The following CFAP299 variants were observed in gnomAD, a reference collection of about 807,000 sequenced individuals.
CFAP299 encodes the protein cilia- and flagella-associated protein 299.
A neutral mutation model predicts 27.0 loss-of-function variants in CFAP299; 21 were observed. The ratio of observed to expected loss-of-function variants is 0.78; its 90% CI spans 0.55 to 1.12. The LOEUF is 1.12. Ranked by LOEUF, CFAP299 falls within the 50% of genes most tolerant of loss-of-function variation. The pLI, the probability that CFAP299 is intolerant of heterozygous loss-of-function variation, is 0.00. For synonymous variants in CFAP299, 104 were observed against 98.1 expected (o/e 1.06, Z -0.36); for missense variants, 310 against 276.6 (o/e 1.12, Z -0.86).
rs992814514 is a variant in CFAP299, at chr4:80,898,445, A to G, written c.476+28310A>G. Among the ~76,000 whole-genome samples, 3 of 151,850 alleles carry G rather than the reference A, an allele frequency of 2.0e-5. No individual in the cohort carries two copies. The East Asian group carries it at 5.8e-4, about 30-fold the overall frequency. The stretch of plus-strand genomic sequence containing the variant: ...TGCTTCTCCTTCCTCTGCCAGCTGA[A>G]CCTGGGGTTTTTATGGGCACTGGAT... On this transcript the variant is annotated intron_variant, in intron 4 of 5. Transcript: ENST00000358105.
intron 3 of CFAP299, among the ~76,000 whole-genome samples, chr4:80,678,548 A>G (rs1168434947): frequency 6.6e-6 from 1 of 152,054 alleles, no homozygotes; most frequent in Non-Finnish European, 1.5e-5. Context: ...CTGAGTCACA[A>G]AGAAGTTAAA....
chr4:80,489,150 G>T (rs1730985456), intron 2 of CFAP299, among the ~76,000 whole-genome samples: 1 of 152,078 alleles, frequency 6.6e-6, no homozygotes, highest in South Asian at 2.1e-4. Flanking sequence ...TCCTGGAGAT[G>T]GGTCTAGCAA....
intron 3 of CFAP299, among the ~76,000 whole-genome samples, chr4:80,737,527 C>T (rs1171625954): frequency 6.6e-6 from 1 of 151,938 alleles, no homozygotes; most frequent in Non-Finnish European, 1.5e-5. Flanking sequence ...GTTTATGTGT[C>T]TAGGAACTTA....
intron 3 of CFAP299, among the ~76,000 whole-genome samples, chr4:80,658,642 C>T (rs1740682871): frequency 6.6e-6 from 1 of 152,082 alleles, no homozygotes; most frequent in South Asian, 2.1e-4. Context: ...AGAACTTGTC[C>T]TTTCTCATCA....
chr4:80,544,434 G>C (rs1211292224), intron 2 of CFAP299, among the ~76,000 whole-genome samples: 1 of 152,134 alleles, frequency 6.6e-6, no homozygotes, highest in Non-Finnish European at 1.5e-5. Context: ...AAGTTGGATA[G>C]AGAAACAATA....
At chr4:80,339,331 C>G (rs1288424231) in intron 1 of CFAP299, among the ~76,000 whole-genome samples, 1 of 152,074 alleles carries the variant, frequency 6.6e-6, no homozygotes, top group Non-Finnish European at 1.5e-5. Context: ...TCTTTTTGGT[C>G]GTGAGTTTGC....
At chr4:80,467,924 A>ACTCATCACG (rs1729787612) in intron 2 of CFAP299, among the ~76,000 whole-genome samples, 1 of 152,174 alleles carries the variant, frequency 6.6e-6, no homozygotes, top group African/African-American at 2.4e-5. Context: ...ATGAGAACTC[A>ACTCATCACG]CTCATCACGA....
chr4:80,506,653 A>T (rs1309475140), intron 2 of CFAP299, among the ~76,000 whole-genome samples: 1 of 152,102 alleles, frequency 6.6e-6, no homozygotes, highest in Admixed American at 6.6e-5. Context: ...AAGTAGAAAA[A>T]ATTTGTCTTT....
chr4:80,453,554 C>T (rs1425888656), intron 2 of CFAP299, among the ~76,000 whole-genome samples: 4 of 151,784 alleles, frequency 2.6e-5, no homozygotes, highest in Non-Finnish European at 4.4e-5. Context: ...TAAAAATAAT[C>T]GTGTGGCCTG....
At chr4:80,751,666 T>C (rs976951081) in intron 3 of CFAP299, among the ~76,000 whole-genome samples, 2 of 152,168 alleles carry the variant, frequency 1.3e-5, no homozygotes, top group African/African-American at 4.8e-5. Flanking sequence ...ATCAGGACCA[T>C]TTGTATTTGC....
intron 2 of CFAP299, chr4:80,386,813 T>C (rs1725034959): frequency 9.8e-7 from 1 of 1,018,920 alleles, no homozygotes; most frequent in Non-Finnish European, 1.6e-6. Context: ...AGGGCATTTA[T>C]ATTTCTTGAA....
intron 3 of CFAP299, among the ~76,000 whole-genome samples, chr4:80,833,763 A>G (rs1357782497): frequency 1.3e-5 from 2 of 152,220 alleles, no homozygotes; most frequent in East Asian, 1.9e-4. Flanking sequence ...AAGTATGCCT[A>G]TTCTATAGAA....
chr4:80,891,437 A>G (rs1397244565), intron 4 of CFAP299, among the ~76,000 whole-genome samples: 5 of 151,510 alleles, frequency 3.3e-5, no homozygotes, highest in Non-Finnish European at 7.4e-5. Flanking sequence ...ATGCAGCCAT[A>G]AAAAATGATG....
chr4:80,863,958 C>T (rs1296645071), intron 3 of CFAP299, among the ~76,000 whole-genome samples: 1 of 151,632 alleles, frequency 6.6e-6, no homozygotes, highest in East Asian at 1.9e-4. Flanking sequence ...ATGAAAAATC[C>T]AGAAAAGAGA....
At chr4:80,878,580 G>T (rs1420963794) in intron 4 of CFAP299, among the ~76,000 whole-genome samples, 1 of 152,026 alleles carries the variant, frequency 6.6e-6, no homozygotes, top group Non-Finnish European at 1.5e-5. Context: ...AAACTAGTAT[G>T]AAATAACTTT....
intron 2 of CFAP299, among the ~76,000 whole-genome samples, chr4:80,400,178 A>G (rs916170266): frequency 9.2e-5 from 14 of 152,312 alleles, no homozygotes; most frequent in African/African-American, 2.9e-4. Flanking sequence ...TTGACAGTCA[A>G]CTGATCCGAG....
intron 3 of CFAP299, among the ~76,000 whole-genome samples, chr4:80,778,315 T>C (rs1210812876): frequency 6.6e-6 from 1 of 152,134 alleles, no homozygotes; most frequent in Non-Finnish European, 1.5e-5. Context: ...ATTTTATACC[T>C]GTATCAACCC....
chr4:80,687,962 G>A (rs1040470488), intron 3 of CFAP299, among the ~76,000 whole-genome samples: 1 of 152,194 alleles, frequency 6.6e-6, no homozygotes, highest in Non-Finnish European at 1.5e-5. Context: ...ACTCCCACCC[G>A]AATACTGCGC....
intron 3 of CFAP299, among the ~76,000 whole-genome samples, chr4:80,652,431 G>A (rs900026123): frequency 5.3e-5 from 8 of 152,082 alleles, no homozygotes; most frequent in Non-Finnish European, 1.0e-4. Flanking sequence ...AGAAGCGGGT[G>A]TAATCAGGGA....
Sources: gnomAD v4.1 joint callset for allele counts (sites outside exome capture counted in the v4.1 genomes callset) on GRCh38, gnomAD v4.1.1 for gene constraint, MANE v1.5 for transcripts, NCBI Gene and HGNC (gene_info 2026-07-23, HGNC 2026-07-21) for gene names.